Variants in EPB41L4B observed in about 807,000 individuals in gnomAD.
EPB41L4B encodes the protein erythrocyte membrane protein band 4.1 like 4B.
A neutral mutation model predicts 112.5 loss-of-function variants in EPB41L4B; 30 were observed. The observed-to-expected ratio is 0.27, with a 90% confidence interval of 0.20 to 0.36. The LOEUF (loss-of-function observed/expected upper bound fraction) is 0.36, where lower values mean the gene tolerates loss of function less well. Ranked by LOEUF, EPB41L4B falls within the 10% of genes least tolerant of loss-of-function variation. EPB41L4B has a pLI of 1.00. For missense variants in EPB41L4B, 1,024 were observed against 1,133.3 expected (o/e 0.90, Z 1.38); for synonymous variants, 408 against 439.7 (o/e 0.93, Z 0.90).
chr9:109,181,893 C>A (rs938191573), intron 24 of EPB41L4B, among the ~76,000 whole-genome samples: 1 of 151,846 alleles, frequency 6.6e-6, no homozygotes, highest in Non-Finnish European at 1.5e-5. Flanking sequence ...TATATAGATA[C>A]AATGGAATAA....
chr9:109,189,801 G>A (rs1293497358), intron 22 of EPB41L4B, among the ~76,000 whole-genome samples: 3 of 151,916 alleles, frequency 2.0e-5, no homozygotes, highest in Admixed American at 6.6e-5. Flanking sequence ...GCTAATTTTT[G>A]TATTATTAGC....
chr9:109,190,395 T>C (rs906013464), intron 22 of EPB41L4B, among the ~76,000 whole-genome samples: 1 of 152,176 alleles, frequency 6.6e-6, no homozygotes, highest in Non-Finnish European at 1.5e-5. Context: ...GAAATGCTGA[T>C]GGGAAGGCCC....
intron 15 of EPB41L4B, among the ~76,000 whole-genome samples, chr9:109,229,295 CA>C (rs1833878983): frequency 6.6e-6 from 1 of 152,196 alleles, no homozygotes; most frequent in Non-Finnish European, 1.5e-5. Context: ...ACCAAATCAT[CA>C]GCCATGCAGG....
intron 1 of EPB41L4B, among the ~76,000 whole-genome samples, chr9:109,314,616 G>T (rs1837560979): frequency 7.0e-6 from 1 of 143,020 alleles, no homozygotes; most frequent in African/African-American, 2.8e-5. Context: ...TGGGAAGGGT[G>T]TTCATTACCC....
At chr9:109,224,146 A>T (rs2118872471) in intron 15 of EPB41L4B, among the ~76,000 whole-genome samples, 1 of 152,374 alleles carries the variant, frequency 6.6e-6, no homozygotes, top group East Asian at 1.9e-4. Flanking sequence ...TTCCTCAAAG[A>T]GTTGAACATT....
intron 15 of EPB41L4B, 136 bp downstream of exon 15, chr9:109,243,482 T>A: frequency 1.4e-6 from 1 of 707,186 alleles, no homozygotes. Flanking sequence ...GAAAATTTAT[T>A]CATCTCGGCC....
intron 15 of EPB41L4B, among the ~76,000 whole-genome samples, chr9:109,235,774 TA>T (rs1305158116): frequency 6.6e-6 from 1 of 152,228 alleles, no homozygotes; most frequent in Non-Finnish European, 1.5e-5. Flanking sequence ...TAAAAATTCT[TA>T]CCATCTAGCA....
intron 15 of EPB41L4B, among the ~76,000 whole-genome samples, chr9:109,224,550 C>T (rs562253378): frequency 2.2e-4 from 34 of 152,006 alleles, no homozygotes; most frequent in African/African-American, 8.0e-4. Flanking sequence ...GGATGGTGGA[C>T]GGGGGGAAGG....
intron 15 of EPB41L4B, among the ~76,000 whole-genome samples, chr9:109,225,486 G>A (rs898819428): frequency 6.6e-6 from 1 of 152,194 alleles, no homozygotes; most frequent in East Asian, 1.9e-4. Flanking sequence ...GAGAGAATGA[G>A]AGCCAAGTGA....
intron 2 of EPB41L4B, 131 bp downstream of exon 2, chr9:109,279,686 C>A: frequency 1.3e-6 from 1 of 761,318 alleles, no homozygotes; most frequent in Admixed American, 2.5e-5. Flanking sequence ...CAACCTCCAT[C>A]CCAATGCCTG....
At chr9:109,223,256 G>A (rs1332013863) in intron 15 of EPB41L4B, among the ~76,000 whole-genome samples, 1 of 151,916 alleles carries the variant, frequency 6.6e-6, no homozygotes, top group Non-Finnish European at 1.5e-5. Flanking sequence ...GCAACATGGG[G>A]TGATCCCATT....
At chr9:109,277,439 C>T (rs767178572) in intron 2 of EPB41L4B, among the ~76,000 whole-genome samples, 57 of 152,158 alleles carry the variant, frequency 3.7e-4, no homozygotes, top group Admixed American at 1.0e-3. Flanking sequence ...ACAAAGCCTC[C>T]GTGGGGACTG....
At chr9:109,205,748 G>C (rs1340626558) in intron 18 of EPB41L4B, among the ~76,000 whole-genome samples, 7 of 152,284 alleles carry the variant, frequency 4.6e-5, no homozygotes, top group African/African-American at 1.4e-4. Flanking sequence ...ATTGCACCAG[G>C]TACTCTGCAT....
intron 15 of EPB41L4B, among the ~76,000 whole-genome samples, chr9:109,226,647 ATG>A (rs1833773076): frequency 7.4e-6 from 1 of 134,744 alleles, no homozygotes; most frequent in African/African-American, 2.7e-5. Flanking sequence ...ATATATATAT[ATG>A]AAGAATATAT....
intron 15 of EPB41L4B, 129 bp from the exon 16 acceptor site, chr9:109,217,274 T>C (rs558283237): frequency 2.7e-6 from 2 of 740,118 alleles, no homozygotes; most frequent in African/African-American, 3.5e-5. Flanking sequence ...TCTGTAGTTA[T>C]TATAAAGTAT....
At chr9:109,279,732 T>C in intron 2 of EPB41L4B, 85 bp downstream of exon 2, 1 of 1,187,088 alleles carries the variant, frequency 8.4e-7, no homozygotes, top group Non-Finnish European at 1.2e-6. Flanking sequence ...GTCTTGTTTT[T>C]CTCTACCCAT....
intron 15 of EPB41L4B, among the ~76,000 whole-genome samples, chr9:109,232,006 T>A (rs1053348722): frequency 5.9e-5 from 9 of 152,176 alleles, no homozygotes; most frequent in African/African-American, 2.2e-4. Flanking sequence ...GTTTCTTTTT[T>A]TTTTTGATGG....
At chr9:109,281,671 G>C (rs562298683) in intron 1 of EPB41L4B, among the ~76,000 whole-genome samples, 1 of 151,282 alleles carries the variant, frequency 6.6e-6, no homozygotes, top group Non-Finnish European at 1.5e-5. Flanking sequence ...GCGGTAGAGC[G>C]AGACTCCGTC....
chr9:109,240,683 T>A, intron 15 of EPB41L4B: 1 of 985,454 alleles, frequency 1.0e-6, no homozygotes, highest in Non-Finnish European at 1.2e-6. Context: ...CATCCTACTC[T>A]ACAGAATGCT....
Sources: allele counts gnomAD v4.1 joint callset (sites outside exome capture counted in the v4.1 genomes callset), GRCh38; gene constraint gnomAD v4.1.1; transcripts MANE v1.5; gene names NCBI Gene and HGNC (gene_info 2026-07-23, HGNC 2026-07-21).